LAMB1: variants seen among roughly 807,000 people sequenced by gnomAD.
LAMB1 encodes laminin subunit beta 1.
LAMB1 carries 121 observed loss-of-function variants against 222.3 expected under a neutral mutation model. The observed-to-expected ratio is 0.54, with a 90% confidence interval of 0.47 to 0.63. The LOEUF (loss-of-function observed/expected upper bound fraction) is 0.63, where lower values mean the gene tolerates loss of function less well. Ranked by LOEUF, LAMB1 falls within the 30% of genes least tolerant of loss-of-function variation. The pLI is 0.00. For missense variants in LAMB1, 2,172 were observed against 2,240.8 expected (o/e 0.97, Z 0.62); for synonymous variants, 794 against 807.2 (o/e 0.98, Z 0.28).
At chr7:107,998,109 C>A (rs1360681884) in intron 4 of LAMB1, among the ~76,000 whole-genome samples, 1 of 152,192 alleles carries the variant, frequency 6.6e-6, no homozygotes, top group Non-Finnish European at 1.5e-5. Flanking sequence ...AAAAGCCCCT[C>A]AGAATAAGGA....
intron 26 of LAMB1, 55 bp from the exon 27 acceptor site, chr7:107,935,711 C>T: frequency 6.3e-7 from 1 of 1,580,786 alleles, no homozygotes; most frequent in Non-Finnish European, 8.6e-7. Context: ...AGGCTTCCTC[C>T]CCAAGCAGTG....
Position 107,951,272 on chromosome 7 carries a change from G to C in LAMB1, c.3345C>G (p.Ser1115Arg). 6.2e-7 allele frequency: 1 copy of C among 1,614,146 alleles called. No homozygotes were observed. Among genetic ancestry groups the C allele is most frequent in the South Asian group, 1.1e-5 (1 of 91,086 alleles). The change falls in exon 24 of 34, where the codon AGC becomes AGG. Residue 1115 changes from serine to arginine, a missense_variant. Physicochemically the swap from Ser to Arg is moderately radical, Grantham distance 110. Coordinates refer to ENST00000222399, the MANE Select transcript of LAMB1 (RefSeq NM_002291.3). ...CTCCCCAGAAGAGTTCCTGGCACTC[G>C]CTGCAGGTGCGGCCTCCAAACCCAG... ...CMPGFGGRTC[S>R]ECQELFWGDP...
At position 108,001,583 on chromosome 7, in the gene LAMB1, G is replaced by C. The variant is rs775275887; in HGVS notation, c.188C>G (p.Pro63Arg). The C allele has an allele frequency of 1.9e-6, 3 of 1,611,358 alleles. No individual in the cohort carries two copies. Among genetic ancestry groups the C allele is most frequent in the Non-Finnish European group, 2.5e-6 (3 of 1,178,696 alleles). ...CTGCAAGTGGCTGACGATACAGTAG[G>C]GTTCGGGCTTGTGCAGCCCGCACGT... ...TSTCGLHKPEPYCIVSHLQED... is the reference protein window; with the variant it reads ...TSTCGLHKPERYCIVSHLQED... Residue 63 changes from proline to arginine, a missense_variant, in exon 3 of 34, where the codon CCC becomes CGC. By Grantham distance (103) the Pro-to-Arg change is moderately radical (BLOSUM62 -2). Transcript: ENST00000222399.
intron 8 of LAMB1, among the ~76,000 whole-genome samples, chr7:107,978,669 C>A (rs908170947): frequency 1.3e-5 from 2 of 151,990 alleles, no homozygotes; most frequent in Non-Finnish European, 2.9e-5. Context: ...TCAGGCATAG[C>A]ACTTAAATTT....
intron 4 of LAMB1, 117 bp from the exon 5 acceptor site, chr7:107,995,077 A>C: frequency 3.3e-6 from 2 of 601,982 alleles, no homozygotes; most frequent in Non-Finnish European, 5.8e-6. Flanking sequence ...TTATCCTCGC[A>C]TTCTACCTTA....
At chr7:107,944,040 A>G (rs1483334475) in intron 24 of LAMB1, among the ~76,000 whole-genome samples, 1 of 152,210 alleles carries the variant, frequency 6.6e-6, no homozygotes, top group Non-Finnish European at 1.5e-5. Context: ...CTACTCACCC[A>G]TCTCCCTTAG....
At chr7:107,943,579 G>A (rs750115067) in intron 24 of LAMB1, among the ~76,000 whole-genome samples, 8 of 152,038 alleles carry the variant, frequency 5.3e-5, no homozygotes, top group Non-Finnish European at 1.0e-4. Flanking sequence ...ACTTGGGTAG[G>A]TATCAGAATC....
intron 32 of LAMB1, among the ~76,000 whole-genome samples, chr7:107,924,774 G>A (rs2032521399): frequency 6.6e-6 from 1 of 152,048 alleles, no homozygotes; most frequent in Admixed American, 6.5e-5. Context: ...GACTAAATTA[G>A]GATTTGTGAA....
rs779309181 is a variant in LAMB1 at position 107,959,527 on chromosome 7, T to C, written c.2459-47A>G. 1.9e-6 allele frequency: 3 copies of C among 1,609,684 alleles called. No individual in the cohort carries two copies. In the African/African-American group the frequency reaches 4.0e-5, roughly 22 times the overall value. On this transcript the variant is annotated intron_variant, in intron 19 of 33. Coordinates refer to ENST00000222399, the MANE Select transcript of LAMB1 (RefSeq NM_002291.3). ...GAACTGCCTTGAGAAACTCATTCAA[T>C]GGAAACATGCTCCTTTTATAAGCAC...
chr7:107,926,449 T>G, intron 31 of LAMB1, 90 bp from the exon 32 acceptor site: 2 of 1,081,886 alleles, frequency 1.8e-6, no homozygotes, highest in Non-Finnish European at 2.7e-6. Flanking sequence ...AAAAGTCTGC[T>G]GTGCCATTTT....
At chr7:107,940,505 A>G in intron 24 of LAMB1, 147 bp from the exon 25 acceptor site, 3 of 766,854 alleles carry the variant, frequency 3.9e-6, no homozygotes, top group East Asian at 5.4e-5. Flanking sequence ...TAGAGACTGT[A>G]GCAGCTTCCT....
At chr7:108,002,449 G>C (rs991857098) in intron 2 of LAMB1, 2 of 1,297,376 alleles carry the variant, frequency 1.5e-6, no homozygotes, top group Non-Finnish European at 2.0e-6. Context: ...TCTGTTCCCA[G>C]AATGAAGCCT....
In LAMB1 at chr7:107,978,094, T is replaced by C. The variant is rs762884604; in HGVS notation, c.953A>G (p.Asp318Gly). The C allele has an allele frequency of 2.5e-6, 4 of 1,614,114 alleles. No individual in the cohort carries two copies. The South Asian group carries it at 4.4e-5, about 18-fold the overall frequency. ...GCCTTCAGCAGGTCTCCAAGGTAAA[T>C]CATGGTAGAAATCCATGCAGAGTTC... The part of the protein sequence containing the change: ...NCELCMDFYH[D>G]LPWRPAEGRN... The change falls in exon 9 of 34, where the codon GAT (aspartate) becomes GGT (glycine). Residue 318 changes from aspartate (D) to glycine (G), a missense_variant. Asp to Gly is a moderately conservative substitution (Grantham distance 94). Coordinates refer to ENST00000222399, the MANE Select transcript of LAMB1 (RefSeq NM_002291.3).
chr7:107,925,992 T>C (rs2032554147), intron 32 of LAMB1, among the ~76,000 whole-genome samples, 191 bp downstream of exon 32: 1 of 151,956 alleles, frequency 6.6e-6, no homozygotes, highest in African/African-American at 2.4e-5. Flanking sequence ...AGGACATAGG[T>C]CATACTTATT....
Position 107,959,797 on chromosome 7 carries a change from C to A in LAMB1, c.2352G>T (p.Val784=). Residue 784 remains valine, a synonymous_variant, in exon 19 of 34, where the codon GTG becomes GTT. Coordinates refer to ENST00000222399, the MANE Select transcript of LAMB1 (RefSeq NM_002291.3). ...ECDPQGSLSS[V]CDPNGGQCQC... is the part of the protein sequence containing the mutation. Reference sequence around the variant, plus strand: ...GGCACTGGCCTCCGTTGGGATCACACACGGAACTTAACGAACCCTGAGGGT... The same window carrying A: ...GGCACTGGCCTCCGTTGGGATCACAAACGGAACTTAACGAACCCTGAGGGT... 6.2e-7 allele frequency: 1 copy of A among 1,613,934 alleles called. No homozygotes were observed. The highest frequency in any genetic ancestry group is 8.5e-7 in the Non-Finnish European group (1 of 1,179,936).
rs774552684 is a variant in LAMB1 at position 107,940,182 on chromosome 7, T to C, written c.3568A>G (p.Ile1190Val). The C allele has an allele frequency of 2.5e-6, 4 of 1,613,998 alleles. No homozygotes were observed. The Admixed American group carries it at 5.0e-5, about 20-fold the overall frequency. The part of the protein sequence containing the change: ...HQCFALWDVI[I>V]AELTNRTHRF... ...TGTGTCCTGTTGGTCAGCTCGGCAATGATCACATCCCAGAGAGCAAAGCAC... is the reference window on the plus strand; with the variant it reads ...TGTGTCCTGTTGGTCAGCTCGGCAACGATCACATCCCAGAGAGCAAAGCAC... The change falls in exon 25 of 34, where the codon ATT becomes GTT. Residue 1190 changes from isoleucine to valine, a missense_variant. Ile to Val is a conservative substitution (Grantham distance 29, BLOSUM62 3). Coordinates refer to ENST00000222399, the MANE Select transcript of LAMB1 (RefSeq NM_002291.3).
intron 17 of LAMB1, 23 bp from the exon 18 acceptor site, chr7:107,960,672 A>G: frequency 6.2e-7 from 1 of 1,605,630 alleles, no homozygotes. Flanking sequence ...GAGAACGGCC[A>G]AACATCCTTA....
chr7:107,986,593 A>G (rs1411278493), intron 5 of LAMB1, among the ~76,000 whole-genome samples: 1 of 152,224 alleles, frequency 6.6e-6, no homozygotes, highest in Non-Finnish European at 1.5e-5. Flanking sequence ...CCTACTGGAT[A>G]AGTAAACTGT....
chr7:108,000,099 G>T (rs2034354700), intron 3 of LAMB1: 2 of 151,696 alleles, frequency 1.3e-5, no homozygotes, highest in African/African-American at 2.4e-5. Flanking sequence ...GCATAATATT[G>T]TAGGTAAAAT....
Sources: gnomAD v4.1 joint callset for allele counts (sites outside exome capture counted in the v4.1 genomes callset) on GRCh38, gnomAD v4.1.1 for gene constraint, MANE v1.5 for transcripts, NCBI Gene and HGNC (gene_info 2026-07-23, HGNC 2026-07-21) for gene names.